Variants in SNAP47 observed in about 807,000 individuals in gnomAD.
SNAP47 encodes synaptosome associated protein 47.
SNAP47 carries 20 observed loss-of-function variants against 31.4 expected under a neutral mutation model. The observed-to-expected ratio is 0.64, with a 90% CI of 0.45 to 0.93. SNAP47 has a LOEUF of 0.93. Ranked by LOEUF, SNAP47 falls within the 40% of genes least tolerant of loss-of-function variation. The pLI is 0.00. For synonymous variants in SNAP47, 194 were observed against 213.4 expected (o/e 0.91, Z 0.79); for missense variants, 492 against 528.5 (o/e 0.93, Z 0.68).
At chr1:227,765,892 A>G (rs1266383391) in intron 3 of SNAP47, among the ~76,000 whole-genome samples, 1 of 151,924 alleles carries the variant, frequency 6.6e-6, no homozygotes, top group African/African-American at 2.4e-5. Context: ...TTGGGGGTTG[A>G]TAGGCTGGCG....
At position 227,741,644 on chromosome 1, in the gene SNAP47, G is replaced by A. The variant is rs1558190863; in HGVS notation, c.-45-6048G>A. Reference sequence around the variant, plus strand: ...AGAGAGAGGGTGGGATCAGGGCCCCGGGAGGAGGGTCTGGCCTTGGAGGTG... The same window carrying A: ...AGAGAGAGGGTGGGATCAGGGCCCCAGGAGGAGGGTCTGGCCTTGGAGGTG... On this transcript the variant is annotated intron_variant, in intron 1 of 4. Coordinates refer to ENST00000617596, the MANE Select transcript of SNAP47 (RefSeq NM_053052.4). The surrounding 1 kb of genome is among the most constrained non-coding windows in gnomAD (Gnocchi z 4.2). Among the ~76,000 whole-genome samples, 2 of 152,130 alleles carry A rather than the reference G, an allele frequency of 1.3e-5. No individual in the cohort carries two copies. The highest frequency in any genetic ancestry group is 4.8e-5 in the African/African-American group (2 of 41,406).
intron 4 of SNAP47, among the ~76,000 whole-genome samples, chr1:227,779,809 AGGG>A (rs1664360019): frequency 6.6e-6 from 1 of 152,062 alleles, no homozygotes; most frequent in South Asian, 2.1e-4. Context: ...TGCTGCAACC[AGGG>A]GACACATCTC....
rs574553727 is a variant in SNAP47, at chr1:227,779,789, T to G, written c.1114-738T>G. Among the ~76,000 whole-genome samples, 53 of 152,042 alleles carry G rather than the reference T, an allele frequency of 3.5e-4. No homozygotes were observed. In the South Asian group the frequency reaches 6.0e-3, roughly 17 times the overall value. On this transcript the variant is annotated intron_variant, in intron 4 of 4. Coordinates refer to ENST00000617596, the MANE Select transcript of SNAP47 (RefSeq NM_053052.4). ...ACACAGCACCAGCTCAGCCCTTAGC[T>G]CATCGCCCCTGCTGCAACCAGGGGA...
At chr1:227,774,680 GT>G (rs1482442892) in intron 4 of SNAP47, among the ~76,000 whole-genome samples, 1 of 152,262 alleles carries the variant, frequency 6.6e-6, no homozygotes, top group African/African-American at 2.4e-5. Flanking sequence ...TGGGAAGTGG[GT>G]TTTGTGGGGC....
In SNAP47 at chr1:227,747,910, G is replaced by A. The variant is rs748223012; in HGVS notation, c.174G>A (p.Lys58=). 3.7e-6 allele frequency: 6 copies of A among 1,614,070 alleles called. No individual in the cohort carries two copies. In the East Asian group the frequency reaches 6.7e-5, roughly 18 times the overall value. The change falls in exon 2 of 5, where the codon AAG becomes AAA. Residue 58 remains lysine (K), a synonymous_variant. Transcript: ENST00000617596. ...TCTCCAGCATAGTTGAGATCAAGAA[G>A]GAGGCTTCACATTTTATCTTCAGCT... ...FPLSSIVEIK[K]EASHFIFSSI...
chr1:227,732,591 A>G, upstream of SNAP47: 1 of 1,613,492 alleles, frequency 6.2e-7, no homozygotes, highest in Non-Finnish European at 8.5e-7. Context: ...TGCCTCCCTC[A>G]GGACCAGGAG....
At chr1:227,733,204 A>T, upstream of SNAP47, 1 of 866,246 alleles carries the variant, frequency 1.2e-6, no homozygotes, top group Non-Finnish European at 1.7e-6. Context: ...GGACCACCTC[A>T]GGCCACAGTG....
At chr1:227,734,595 T>C (rs1660933897), upstream of SNAP47, 5 of 1,582,116 alleles carry the variant, frequency 3.2e-6, no homozygotes, top group Non-Finnish European at 4.3e-6. Flanking sequence ...GAAAGGCCTC[T>C]GGGTTCACGC....
At chr1:227,757,788 G>A (rs1662786401) in intron 2 of SNAP47, among the ~76,000 whole-genome samples, 1 of 152,224 alleles carries the variant, frequency 6.6e-6, no homozygotes, top group South Asian at 2.1e-4. Context: ...ACATTCAACT[G>A]GAAGTTAGTG....
intron 3 of SNAP47, among the ~76,000 whole-genome samples, chr1:227,764,410 C>T (rs369047538): frequency 5.3e-5 from 8 of 152,288 alleles, no homozygotes; most frequent in South Asian, 4.1e-4. Flanking sequence ...GTCTCTGTCA[C>T]GCAGCCTCAG....
At chr1:227,732,192 G>T, upstream of SNAP47, 1 of 630,094 alleles carries the variant, frequency 1.6e-6, no homozygotes, top group South Asian at 2.0e-5. Flanking sequence ...GGTCAGAAGG[G>T]CCACATCCCA....
At chr1:227,740,901 G>C (rs1467341337) in intron 1 of SNAP47, among the ~76,000 whole-genome samples, 2 of 151,140 alleles carry the variant, frequency 1.3e-5, no homozygotes, top group Non-Finnish European at 2.9e-5. Flanking sequence ...AAAGCTGAAG[G>C]AGGGGCTGTG....
At chr1:227,732,941 G>T (rs200611094), upstream of SNAP47, 1 of 1,613,194 alleles carries the variant, frequency 6.2e-7, no homozygotes, top group African/African-American at 1.3e-5. Context: ...CCTCCTGCAC[G>T]GCGCATAGCT....
chr1:227,776,130 G>C, intron 4 of SNAP47: 1 of 1,163,170 alleles, frequency 8.6e-7, no homozygotes, highest in Non-Finnish European at 1.1e-6. Flanking sequence ...TCCTGGCTCT[G>C]ACGCCCTCAG....
intron 1 of SNAP47, among the ~76,000 whole-genome samples, chr1:227,744,387 G>A (rs929244711): frequency 2.6e-5 from 4 of 152,130 alleles, no homozygotes; most frequent in Non-Finnish European, 5.9e-5. Context: ...ACCTTTCTAC[G>A]GAGATTTAAG....
rs755847561 is a variant in SNAP47, at chr1:227,767,088, G to T, written c.1113+5G>T. On this transcript the variant is annotated splice_donor_5th_base_variant and intron_variant, in intron 4 of 4. Transcript: ENST00000617596. ...GATACCCAGGAACTAACCCAGGTAA[G>T]ATGTCCCCAGTGCCATGCCAGCCAG... 1 of 1,614,032 alleles carries T rather than the reference G, an allele frequency of 6.2e-7. No individual in the cohort carries two copies. The highest frequency in any genetic ancestry group is 1.1e-5 in the South Asian group (1 of 91,070).
chr1:227,779,957 C>T (rs1005882738), intron 4 of SNAP47, among the ~76,000 whole-genome samples: 1 of 152,204 alleles, frequency 6.6e-6, no homozygotes, highest in Non-Finnish European at 1.5e-5. Context: ...TGGCTGCCCT[C>T]CACCGTATGG....
chr1:227,752,495 C>G (rs1662443552), intron 2 of SNAP47, among the ~76,000 whole-genome samples: 1 of 151,902 alleles, frequency 6.6e-6, no homozygotes, highest in South Asian at 2.1e-4. Flanking sequence ...GGGTTTTTCT[C>G]TCTATCTGGT....
upstream of SNAP47, chr1:227,734,686 C>G (rs1660943826): frequency 6.2e-7 from 1 of 1,614,018 alleles, no homozygotes; most frequent in South Asian, 1.1e-5. Context: ...AGAGACAGCC[C>G]CTGGGAGAGG....
Sources: allele counts gnomAD v4.1 joint callset (sites outside exome capture counted in the v4.1 genomes callset), GRCh38; gene constraint gnomAD v4.1.1; non-coding constraint Gnocchi (gnomAD v3.1); transcripts MANE v1.5; gene names NCBI Gene and HGNC (gene_info 2026-07-23, HGNC 2026-07-21).